The following MCMDC2 variants were observed in gnomAD, a reference collection of about 807,000 sequenced individuals.
The protein encoded by MCMDC2 is minichromosome maintenance domain containing 2.
A neutral mutation model predicts 75.8 loss-of-function variants in MCMDC2; 54 were observed. The observed-to-expected ratio is 0.71, with a 90% CI of 0.57 to 0.89. The LOEUF is 0.89. Ranked by LOEUF, MCMDC2 falls within the 40% of genes least tolerant of loss-of-function variation. The probability of loss-of-function intolerance (pLI) is 0.00; values close to 1 mark genes in which losing one functional copy is unlikely to be tolerated. For synonymous variants in MCMDC2, 249 were observed against 274.6 expected (o/e 0.91, Z 0.92); for missense variants, 656 against 780.4 (o/e 0.84, Z 1.90).
In MCMDC2 at chr8:66,901,210, T is replaced by G. The variant is rs373050085; in HGVS notation, c.1631T>G (p.Leu544Trp). ...TGGATTTTTCACACTTTTTAGCTATTGGCTTTTGCAAAGAATTTGAATGTA... is the reference window on the plus strand; with the variant it reads ...TGGATTTTTCACACTTTTTAGCTATGGGCTTTTGCAAAGAATTTGAATGTA... Reference protein sequence around the residue: ...QFTTEDFEKLLAFAKNLNVEF... With the variant: ...QFTTEDFEKLWAFAKNLNVEF... Residue 544 changes from leucine (L) to tryptophan (W), a missense_variant, in exon 13 of 15, where the codon TTG becomes TGG. Transcript: ENST00000422365. 6.2e-7 allele frequency: 1 copy of G among 1,612,886 alleles called. No homozygotes were observed. Among genetic ancestry groups the G allele is most frequent in the Non-Finnish European group, 8.5e-7 (1 of 1,179,402 alleles).
downstream of MCMDC2, chr8:66,922,629 G>A (rs774150735): frequency 1.8e-5 from 8 of 438,146 alleles, no homozygotes; most frequent in Non-Finnish European, 3.2e-5. Flanking sequence ...TACATGCCGC[G>A]TGATCCTAGT....
chr8:66,922,682 TATG>T (rs1184500599), downstream of MCMDC2: 2 of 340,914 alleles, frequency 5.9e-6, no homozygotes, highest in African/African-American at 4.3e-5. Flanking sequence ...AAACATCTGT[TATG>T]ATGACTTTCA....
intron 10 of MCMDC2, among the ~76,000 whole-genome samples, chr8:66,895,645 C>G (rs1287762343): frequency 6.6e-6 from 1 of 152,036 alleles, no homozygotes; most frequent in Non-Finnish European, 1.5e-5. Flanking sequence ...GCAATCCCCC[C>G]GTGTCAGCCT....
At chr8:66,918,592 G>A (rs867465463) in intron 14 of MCMDC2, among the ~76,000 whole-genome samples, 18 of 152,104 alleles carry the variant, frequency 1.2e-4, no homozygotes, top group Admixed American at 3.3e-4. Context: ...ATAAAGATTA[G>A]TATTTCTTAC....
At chr8:66,908,557 A>G (rs1812992166) in intron 14 of MCMDC2, among the ~76,000 whole-genome samples, 1 of 152,148 alleles carries the variant, frequency 6.6e-6, no homozygotes, top group South Asian at 2.1e-4. Context: ...CTTTGAATTG[A>G]AGAATTATAG....
intron 14 of MCMDC2, among the ~76,000 whole-genome samples, chr8:66,912,515 T>C (rs1042861686): frequency 6.6e-6 from 1 of 152,132 alleles, no homozygotes; most frequent in Non-Finnish European, 1.5e-5. Flanking sequence ...TGGGTAAATA[T>C]GCTATCAAAC....
At chr8:66,911,101 G>T (rs887649471) in intron 14 of MCMDC2, among the ~76,000 whole-genome samples, 1 of 152,174 alleles carries the variant, frequency 6.6e-6, no homozygotes, top group South Asian at 2.1e-4. Flanking sequence ...ATGTGAAAGG[G>T]ACATGAGATT....
rs545024405 is a variant in MCMDC2, at chr8:66,921,980, C to T, written c.*2811C>T. ...TATTGTTCAGCAATTAAAAGTTAGC[C>T]AAATATGTATTTTTCTCCATAATTT... On this transcript the variant is annotated 3_prime_UTR_variant, in exon 15 of 15. Coordinates refer to ENST00000422365, the MANE Select transcript of MCMDC2 (RefSeq NM_173518.5). The T allele has an allele frequency of 2.0e-5, 3 of 152,674 alleles. No homozygotes were observed. Among genetic ancestry groups the T allele is most frequent in the East Asian group, 3.8e-4 (2 of 5,198 alleles). The allele number at this position is 152,674 out of a possible 1,614,324, so 9.5% of individuals were successfully genotyped here.
At chr8:66,891,411 C>T (rs2130824310) in intron 10 of MCMDC2, among the ~76,000 whole-genome samples, 1 of 152,320 alleles carries the variant, frequency 6.6e-6, no homozygotes, top group Middle Eastern at 3.4e-3. Flanking sequence ...AGTGGGAAAG[C>T]TTCAAGTTTC....
At chr8:66,878,432 G>T in intron 5 of MCMDC2, 142 bp from the exon 6 acceptor site, 1 of 735,318 alleles carries the variant, frequency 1.4e-6, no homozygotes, top group Non-Finnish European at 2.0e-6. Flanking sequence ...AATTTTAAAG[G>T]ACTGTAATAG....
chr8:66,890,227 A>C (rs1016771364), intron 9 of MCMDC2, among the ~76,000 whole-genome samples: 1 of 152,038 alleles, frequency 6.6e-6, no homozygotes, highest in Admixed American at 6.6e-5. Context: ...TTACAGGCCC[A>C]CCTAATTTTT....
chr8:66,885,888 C>G (rs1337854243), intron 9 of MCMDC2, among the ~76,000 whole-genome samples: 5 of 152,174 alleles, frequency 3.3e-5, no homozygotes, highest in African/African-American at 1.2e-4. Context: ...GGTCTAGTCT[C>G]TCTTACTCAA....
At position 66,907,235 on chromosome 8, in the gene MCMDC2, A is replaced by G. The variant is rs568003104; in HGVS notation, c.1879+1900A>G. Reference sequence around the variant, plus strand: ...GCTCTCCTTCCCCTTGCCCCCGCCAACCCCCAACAGGCCTCAGTGTGTGAT... The same window carrying G: ...GCTCTCCTTCCCCTTGCCCCCGCCAGCCCCCAACAGGCCTCAGTGTGTGAT... On this transcript the variant is annotated intron_variant, in intron 14 of 14. Coordinates refer to ENST00000422365, the MANE Select transcript of MCMDC2 (RefSeq NM_173518.5). Among the ~76,000 whole-genome samples, 4 of 151,614 alleles carry G rather than the reference A, an allele frequency of 2.6e-5. No homozygotes were observed. The South Asian group carries it at 8.4e-4, about 32-fold the overall frequency.
chr8:66,915,183 C>G (rs1813259287), intron 14 of MCMDC2, among the ~76,000 whole-genome samples: 1 of 151,954 alleles, frequency 6.6e-6, no homozygotes, highest in African/African-American at 2.4e-5. Flanking sequence ...AAATAAATGG[C>G]CAGGAGCGGT....
chr8:66,898,824 G>A (rs575872476), intron 12 of MCMDC2, among the ~76,000 whole-genome samples: 1 of 152,136 alleles, frequency 6.6e-6, no homozygotes, highest in Admixed American at 6.6e-5. Flanking sequence ...ACAAAGGATG[G>A]GTGTTCCAAG....
At chr8:66,902,711 A>AAAAAAAAAAAAAATATATATATAT (rs1467425752) in intron 13 of MCMDC2, among the ~76,000 whole-genome samples, 2 of 67,916 alleles carry the variant, frequency 2.9e-5, no homozygotes, top group African/African-American at 1.5e-4. Flanking sequence ...AAAAAAAAAA[A>AAAAAAAAAAAAAATATATATATAT]ATATATATAT....
intron 12 of MCMDC2, among the ~76,000 whole-genome samples, chr8:66,898,835 T>C (rs1381317575): frequency 6.6e-6 from 1 of 152,050 alleles, no homozygotes; most frequent in African/African-American, 2.4e-5. Flanking sequence ...GTGTTCCAAG[T>C]AGAATTAACA....
chr8:66,888,557 A>G (rs943808096), intron 9 of MCMDC2, among the ~76,000 whole-genome samples: 2 of 152,098 alleles, frequency 1.3e-5, no homozygotes, highest in African/African-American at 4.8e-5. Flanking sequence ...TCTCTCAGTG[A>G]TGTTTTTATA....
chr8:66,895,374 T>G (rs1400038130), intron 10 of MCMDC2, among the ~76,000 whole-genome samples: 2 of 151,668 alleles, frequency 1.3e-5, no homozygotes, highest in Non-Finnish European at 2.9e-5. Context: ...TCCTTCTTCC[T>G]TCTTCCTTCT....
Sources: gnomAD v4.1 joint callset for allele counts (sites outside exome capture counted in the v4.1 genomes callset) on GRCh38, gnomAD v4.1.1 for gene constraint, MANE v1.5 for transcripts, NCBI Gene and HGNC (gene_info 2026-07-23, HGNC 2026-07-21) for gene names.